The following SLC38A12 variants were observed in gnomAD, a reference collection of about 807,000 sequenced individuals.
SLC38A12 encodes the protein putative sodium-coupled neutral amino acid transporter 12.
At chr17:74,791,040 G>A in the SLC38A12 span, 1 of 1,612,984 alleles carries the variant, frequency 6.2e-7, no homozygotes, top group Non-Finnish European at 8.5e-7. Context: ...AATAAAGGTA[G>A]AAGTTCTTTT....
the SLC38A12 span, among the ~76,000 whole-genome samples, chr17:74,787,640 AAAAG>A: frequency 6.6e-6 from 1 of 151,914 alleles, no homozygotes; most frequent in African/African-American, 2.4e-5. Flanking sequence ...AAAAAAAAAA[AAAAG>A]AAAGCAGGAG....
chr17:74,808,688 C>T, the SLC38A12 span, among the ~76,000 whole-genome samples: 99 of 152,342 alleles, frequency 6.5e-4, 1 homozygote, highest in East Asian at 0.017. Context: ...CCAGCATCCC[C>T]TCAGTGTGAG....
At chr17:74,786,702 A>T in the SLC38A12 span, among the ~76,000 whole-genome samples, 1 of 152,176 alleles carries the variant, frequency 6.6e-6, no homozygotes, top group African/African-American at 2.4e-5. Context: ...GACGTACAGG[A>T]AGCTGAATGG....
chr17:74,785,827 A>G, the SLC38A12 span: 6 of 512,910 alleles, frequency 1.2e-5, no homozygotes, highest in African/African-American at 5.8e-5. Context: ...GATCAGATAA[A>G]AACCTGGACA....
At chr17:74,823,504 A>G in the SLC38A12 span, among the ~76,000 whole-genome samples, 1 of 152,244 alleles carries the variant, frequency 6.6e-6, no homozygotes, top group African/African-American at 2.4e-5. Flanking sequence ...GGCCTTTGTA[A>G]ATAGCCACTT....
chr17:74,804,792 G>T, the SLC38A12 span, among the ~76,000 whole-genome samples: 1 of 152,234 alleles, frequency 6.6e-6, no homozygotes, highest in Admixed American at 6.5e-5. Context: ...ACTGGCTGAG[G>T]CCGGGAGGCC....
the SLC38A12 span, among the ~76,000 whole-genome samples, chr17:74,789,250 G>A: frequency 6.6e-6 from 1 of 152,142 alleles, no homozygotes; most frequent in African/African-American, 2.4e-5. Context: ...GAACACAGGG[G>A]CCGGTGGGGG....
At chr17:74,828,608 C>T in the SLC38A12 span, among the ~76,000 whole-genome samples, 1 of 152,140 alleles carries the variant, frequency 6.6e-6, no homozygotes, top group African/African-American at 2.4e-5. Flanking sequence ...ATGGAGATGT[C>T]CCTCTGATGG....
At chr17:74,831,336 A>C in the SLC38A12 span, among the ~76,000 whole-genome samples, 1 of 152,216 alleles carries the variant, frequency 6.6e-6, no homozygotes, top group African/African-American at 2.4e-5. Context: ...GATGGCCAGC[A>C]TAGTGCCCAG....
At chr17:74,806,255 A>G in the SLC38A12 span, among the ~76,000 whole-genome samples, 1 of 152,154 alleles carries the variant, frequency 6.6e-6, no homozygotes, top group Non-Finnish European at 1.5e-5. Flanking sequence ...CAACAGTGGT[A>G]GCCCAGCCCC....
chr17:74,813,421 T>C, the SLC38A12 span, among the ~76,000 whole-genome samples: 14 of 152,362 alleles, frequency 9.2e-5, no homozygotes, highest in Middle Eastern at 3.4e-3. Context: ...TTAGGACTTG[T>C]CCTTTGTTGC....
chr17:74,786,108 G>A, the SLC38A12 span, among the ~76,000 whole-genome samples: 2 of 152,220 alleles, frequency 1.3e-5, no homozygotes, highest in Admixed American at 1.3e-4. Context: ...CGCCTGCTGT[G>A]TACCTCCCCA....
the SLC38A12 span, among the ~76,000 whole-genome samples, chr17:74,797,398 G>A: frequency 5.3e-5 from 8 of 152,170 alleles, no homozygotes; most frequent in Non-Finnish European, 1.0e-4. Flanking sequence ...CAAAAGCCAC[G>A]AAAACAGGAA....
At chr17:74,822,452 C>T in the SLC38A12 span, among the ~76,000 whole-genome samples, 2 of 152,352 alleles carry the variant, frequency 1.3e-5, no homozygotes, top group South Asian at 2.1e-4. Flanking sequence ...GCATCAGGAG[C>T]CGGAGGTGGA....
chr17:74,792,494 C>T, the SLC38A12 span, among the ~76,000 whole-genome samples: 714 of 152,266 alleles, frequency 4.7e-3, 1 homozygote, highest in South Asian at 0.024. Flanking sequence ...TTTTTAATGC[C>T]CAGACCTGTT....
chr17:74,778,720 C>T, the SLC38A12 span, among the ~76,000 whole-genome samples: 1 of 145,028 alleles, frequency 6.9e-6, no homozygotes, highest in Non-Finnish European at 1.5e-5. Context: ...GCAATCTCGG[C>T]TCACTGCAAC....
chr17:74,793,827 G>A, the SLC38A12 span, among the ~76,000 whole-genome samples: 2 of 152,090 alleles, frequency 1.3e-5, no homozygotes, highest in Non-Finnish European at 2.9e-5. Context: ...AGTGAGTGCC[G>A]AGGCCTCTTG....
the SLC38A12 span, chr17:74,836,787 C>A: frequency 6.8e-7 from 1 of 1,480,756 alleles, no homozygotes; most frequent in Non-Finnish European, 8.9e-7. This position sits in a 1 kb window ranked among gnomAD's most constrained non-coding sequence, Gnocchi z 4.2. Flanking sequence ...CTTCATGGGG[C>A]AGGTGGGACT....
the SLC38A12 span, among the ~76,000 whole-genome samples, chr17:74,797,823 A>T: frequency 6.6e-6 from 1 of 152,170 alleles, no homozygotes; most frequent in Non-Finnish European, 1.5e-5. Context: ...TGATGACGGC[A>T]TCTTCCCCTC....
Sources: gnomAD v4.1 joint callset for allele counts (sites outside exome capture counted in the v4.1 genomes callset) on GRCh38, gnomAD v4.1.1 for gene constraint, Gnocchi (gnomAD v3.1) non-coding constraint, MANE v1.5 for transcripts, NCBI Gene and HGNC (gene_info 2026-07-23, HGNC 2026-07-21) for gene names.